The following OPCML variants were observed in gnomAD, a reference collection of about 807,000 sequenced individuals.
The protein encoded by OPCML is opioid binding protein/cell adhesion molecule like, also known as opioid-binding protein/cell adhesion molecule.
OPCML carries 13 observed loss-of-function variants against 37.8 expected under a neutral mutation model. That is an observed-to-expected ratio of 0.34 (90% CI 0.22 to 0.55). The LOEUF (loss-of-function observed/expected upper bound fraction) is 0.55, where lower values mean the gene tolerates loss of function less well. OPCML is among the 20% of genes least tolerant of loss of function. OPCML has a pLI of 0.91. For synonymous variants in OPCML, 176 were observed against 168.8 expected (o/e 1.04, Z -0.33); for missense variants, 341 against 435.6 (o/e 0.78, Z 1.93).
intron 4 of OPCML, among the ~76,000 whole-genome samples, chr11:132,487,843 G>A (rs2096204749): frequency 6.6e-6 from 1 of 152,316 alleles, no homozygotes; most frequent in Middle Eastern, 3.4e-3. Flanking sequence ...TCATAGTATT[G>A]CATTACTGCT....
At chr11:132,725,879 C>T (rs1026912534) in intron 2 of OPCML, among the ~76,000 whole-genome samples, 1 of 152,062 alleles carries the variant, frequency 6.6e-6, no homozygotes, top group Admixed American at 6.5e-5. Context: ...GGGCAAAATG[C>T]TACCAGTCTC....
chr11:132,516,944 A>G lies in OPCML; in HGVS notation c.505+12117T>C, dbSNP rs145935987. 8.0e-3 allele frequency among the ~76,000 whole-genome samples: 1,222 copies of G among 152,194 alleles called. 18 individuals carry two copies. Among genetic ancestry groups the G allele is most frequent in the African/African-American group, 0.026 (1,096 of 41,528 alleles). On this transcript the variant is annotated intron_variant, in intron 4 of 7. Coordinates refer to ENST00000524381, the MANE Select transcript of OPCML (RefSeq NM_001012393.5). ...ACCCAGAGTTCTAAATCCAGCCACA[A>G]GTTCTTCAACCCATGGTGGAGACAG... is the stretch of plus-strand genomic sequence containing the variant.
chr11:133,294,367 A>C (rs1942568664), intron 1 of OPCML, among the ~76,000 whole-genome samples: 1 of 152,164 alleles, frequency 6.6e-6, no homozygotes, highest in Non-Finnish European at 1.5e-5. Context: ...ACTGCTGGGC[A>C]GCACCTGCCT....
At chr11:132,451,893 G>A (rs1036355051) in intron 4 of OPCML, among the ~76,000 whole-genome samples, 3 of 152,076 alleles carry the variant, frequency 2.0e-5, no homozygotes, top group Non-Finnish European at 2.9e-5. Context: ...TTTGTGCCCC[G>A]TTTTCTCTCT....
At chr11:132,423,030 T>C (rs2095965406) in intron 7 of OPCML, among the ~76,000 whole-genome samples, 1 of 152,202 alleles carries the variant, frequency 6.6e-6, no homozygotes, top group Admixed American at 6.5e-5. Flanking sequence ...TCTGAGTTAT[T>C]ACATGAATGG....
intron 4 of OPCML, among the ~76,000 whole-genome samples, chr11:132,471,220 G>A (rs2096137105): frequency 1.3e-5 from 2 of 152,146 alleles, no homozygotes; most frequent in African/African-American, 4.8e-5. Flanking sequence ...CTGGGAGGAG[G>A]GGGTTTGATG....
intron 1 of OPCML, among the ~76,000 whole-genome samples, chr11:133,201,470 A>G (rs1938786091): frequency 6.6e-6 from 1 of 152,022 alleles, no homozygotes; most frequent in Non-Finnish European, 1.5e-5. Flanking sequence ...TTTCTCCCCC[A>G]TTGCTCTAAG....
chr11:133,079,471 T>A (rs899386258), intron 1 of OPCML, among the ~76,000 whole-genome samples: 3 of 152,216 alleles, frequency 2.0e-5, no homozygotes, highest in Non-Finnish European at 4.4e-5. Flanking sequence ...ATCTCAGATC[T>A]GATTTCCTTT....
chr11:133,228,755 G>A lies in OPCML; in HGVS notation c.62-285745C>T, dbSNP rs534644486. Among the ~76,000 whole-genome samples the A allele has an allele frequency of 4.6e-5, 7 of 152,358 alleles. No individual in the cohort carries two copies. The South Asian group carries it at 6.2e-4, about 14-fold the overall frequency. Reference sequence around the variant, plus strand: ...AGCACGGGCCCAGGAGGCTTCGCATGAAAAATGATTGCACCGCACACGCGG... The same window carrying A: ...AGCACGGGCCCAGGAGGCTTCGCATAAAAAATGATTGCACCGCACACGCGG... On this transcript the variant is annotated intron_variant, in intron 1 of 7. Coordinates refer to ENST00000524381, the MANE Select transcript of OPCML (RefSeq NM_001012393.5).
chr11:132,721,772 TAAG>T (rs1450468352), intron 2 of OPCML, among the ~76,000 whole-genome samples: 1 of 151,508 alleles, frequency 6.6e-6, no homozygotes, highest in Non-Finnish European at 1.5e-5. Flanking sequence ...AATAGGAAAA[TAAG>T]AAGCAGAGGC....
chr11:132,601,415 A>C (rs1328202041), intron 3 of OPCML, among the ~76,000 whole-genome samples: 1 of 152,204 alleles, frequency 6.6e-6, no homozygotes, highest in Admixed American at 6.5e-5. Flanking sequence ...TAAAGTAATC[A>C]ATCTTGCTTT....
intron 3 of OPCML, among the ~76,000 whole-genome samples, chr11:132,573,395 C>T (rs550768853): frequency 7.8e-4 from 119 of 152,030 alleles, no homozygotes; most frequent in Non-Finnish European, 1.4e-3. Flanking sequence ...TCATATATGA[C>T]TTTTATCATG....
chr11:132,544,366 G>A (rs1415965943), intron 3 of OPCML, among the ~76,000 whole-genome samples: 1 of 152,096 alleles, frequency 6.6e-6, no homozygotes, highest in African/African-American at 2.4e-5. Flanking sequence ...TCCCTTGAAA[G>A]GTGAGACATA....
At chr11:133,209,823 G>A (rs1939278256) in intron 1 of OPCML, among the ~76,000 whole-genome samples, 1 of 152,146 alleles carries the variant, frequency 6.6e-6, no homozygotes, top group South Asian at 2.1e-4. Context: ...CCTTGCATCA[G>A]GTATGAGAAA....
At chr11:132,462,394 C>T (rs1208118865) in intron 4 of OPCML, among the ~76,000 whole-genome samples, 6 of 152,210 alleles carry the variant, frequency 3.9e-5, no homozygotes, top group Admixed American at 3.3e-4. Context: ...TACCAACAAC[C>T]TGTGAAATTG....
Position 132,660,974 on chromosome 11 carries a change from G to A in OPCML, c.147-3655C>T, listed in dbSNP as rs946818680. Among the ~76,000 whole-genome samples, 39 of 152,122 alleles carry A rather than the reference G, an allele frequency of 2.6e-4. 1 individual carries two copies. The highest frequency in any genetic ancestry group is 2.2e-4 in the African/African-American group (9 of 41,422). ...TGAAGTGCATTTCCTGAATCCTATC[G>A]TTGTCCTTGTATAGGACCAACCACT... On this transcript the variant is annotated intron_variant, in intron 2 of 7. Transcript: ENST00000524381.
chr11:132,891,414 C>T (rs1943644837), intron 2 of OPCML, among the ~76,000 whole-genome samples: 1 of 151,852 alleles, frequency 6.6e-6, no homozygotes, highest in Admixed American at 6.6e-5. Flanking sequence ...AAATACTTAC[C>T]AATATTTAAA....
At position 133,174,639 on chromosome 11, in the gene OPCML, G is replaced by GGAAAAAAAAAAAAAAAA. The variant is rs552061062; in HGVS notation, c.62-231630_62-231629insTTTTTTTTTTTTTTTTC. Among the ~76,000 whole-genome samples the GGAAAAAAAAAAAAAAAA allele has an allele frequency of 8.6e-6, 1 of 116,798 alleles. No homozygotes were observed. Among genetic ancestry groups the GGAAAAAAAAAAAAAAAA allele is most frequent in the African/African-American group, 2.9e-5 (1 of 34,580 alleles). 76.6% of individuals were successfully genotyped at this position (116,798 alleles called of 152,430 possible). ...AAATGCTCATGGAATGCTGTTTAGT[G>GGAAAAAAAAAAAAAAAA]AAAAAAAAAAAAAAAAAAAGCAGGG... On this transcript the variant is annotated intron_variant, in intron 1 of 7. Coordinates refer to ENST00000524381, the MANE Select transcript of OPCML (RefSeq NM_001012393.5). The surrounding 1 kb of genome is among the most constrained non-coding windows in gnomAD (Gnocchi z 4.6).
chr11:133,379,022 G>T (rs1484077797), intron 1 of OPCML, among the ~76,000 whole-genome samples: 1 of 152,126 alleles, frequency 6.6e-6, no homozygotes, highest in Non-Finnish European at 1.5e-5. Context: ...CTCACAGATT[G>T]CTGGGATTAG....
Sources: gnomAD v4.1 joint callset for allele counts (sites outside exome capture counted in the v4.1 genomes callset) on GRCh38, gnomAD v4.1.1 for gene constraint, Gnocchi (gnomAD v3.1) non-coding constraint, MANE v1.5 for transcripts, NCBI Gene and HGNC (gene_info 2026-07-23, HGNC 2026-07-21) for gene names.